The following PGM5 variants were observed in gnomAD, a reference collection of about 807,000 sequenced individuals.
The protein encoded by PGM5 is phosphoglucomutase 5, also known as phosphoglucomutase-like protein 5.
In PGM5, 23 loss-of-function variants were observed where a neutral mutation model predicts 59.2. The observed-to-expected ratio is 0.39, with a 90% CI of 0.28 to 0.55. The LOEUF is 0.55. Ranked by LOEUF, PGM5 falls within the 20% of genes least tolerant of loss-of-function variation. PGM5 has a pLI of 0.66. For synonymous variants in PGM5, 214 were observed against 286.0 expected (o/e 0.75, Z 2.54); for missense variants, 574 against 748.3 (o/e 0.77, Z 2.72).
chr9:68,445,270 A>C (rs895735147), intron 6 of PGM5, among the ~76,000 whole-genome samples: 1 of 152,152 alleles, frequency 6.6e-6, no homozygotes, highest in Admixed American at 6.5e-5. Flanking sequence ...ATTCTGATCC[A>C]TTCTTTCTGA....
At chr9:68,388,898 T>C (rs1407480536) in intron 4 of PGM5, among the ~76,000 whole-genome samples, 1 of 138,558 alleles carries the variant, frequency 7.2e-6, no homozygotes, top group Non-Finnish European at 1.7e-5. Flanking sequence ...AGTGTGGGAC[T>C]CTATCTTTAT....
In PGM5 at chr9:68,511,545, C is replaced by CTTTTTTTTTTTTTT. The variant is rs3064033; in HGVS notation, c.1614+12196_1614+12209dup. Among the ~76,000 whole-genome samples the CTTTTTTTTTTTTTT allele has an allele frequency of 3.2e-5, 2 of 62,736 alleles. 1 individual carries two copies. Among genetic ancestry groups the CTTTTTTTTTTTTTT allele is most frequent in the Non-Finnish European group, 5.7e-5 (2 of 35,152 alleles). 41.2% of individuals were successfully genotyped at this position (62,736 alleles called of 152,430 possible). A position where few individuals can be genotyped will look rare whatever the true frequency, so the allele number is the denominator to read the frequency against. On this transcript the variant is annotated intron_variant, in intron 10 of 10. Transcript: ENST00000396396. ...TTGTCACTAATGTTATTGTTTTTGC[C>CTTTTTTTTTTTTTT]TTTTTTTTTTTTTTTTTTTTTTTTT... is the stretch of plus-strand genomic sequence containing the variant.
chr9:68,443,900 A>G (rs568896799), intron 6 of PGM5, among the ~76,000 whole-genome samples: 1 of 152,346 alleles, frequency 6.6e-6, no homozygotes, highest in South Asian at 2.1e-4. Context: ...ATCAGGGATC[A>G]GGGTCCTGTC....
intron 1 of PGM5, among the ~76,000 whole-genome samples, chr9:68,363,264 T>C (rs1351540607): frequency 2.6e-5 from 4 of 152,308 alleles, no homozygotes; most frequent in Non-Finnish European, 5.9e-5. Context: ...AACTGTTCTG[T>C]AATCTGCATT....
intron 1 of PGM5, among the ~76,000 whole-genome samples, chr9:68,371,029 A>G (rs1327353188): frequency 6.6e-6 from 1 of 151,940 alleles, no homozygotes; most frequent in Non-Finnish European, 1.5e-5. Flanking sequence ...TGGGATCTGT[A>G]TCTGTGTGGA....
chr9:68,442,929 C>T (rs1823551395), intron 6 of PGM5, among the ~76,000 whole-genome samples: 1 of 152,144 alleles, frequency 6.6e-6, no homozygotes, highest in Non-Finnish European at 1.5e-5. Flanking sequence ...TGCATATCAT[C>T]TAGAGCTGTC....
chr9:68,511,545 CT>C (rs3064033), intron 10 of PGM5, among the ~76,000 whole-genome samples: 726 of 62,678 alleles, frequency 0.012, 6 homozygotes, highest in African/African-American at 0.038. Flanking sequence ...TTGTTTTTGC[CT>C]TTTTTTTTTT....
intron 6 of PGM5, among the ~76,000 whole-genome samples, chr9:68,447,480 C>G (rs569133464): frequency 6.6e-6 from 1 of 152,140 alleles, no homozygotes; most frequent in East Asian, 1.9e-4. Context: ...AGCTCTGAGG[C>G]CTTGGACAAG....
chr9:68,489,473 T>C (rs1190590559), intron 9 of PGM5, among the ~76,000 whole-genome samples: 1 of 150,436 alleles, frequency 6.6e-6, no homozygotes, highest in Non-Finnish European at 1.5e-5. Context: ...TCTTTTCTTT[T>C]TTTTTTTTTT....
intron 10 of PGM5, among the ~76,000 whole-genome samples, chr9:68,527,544 T>C (rs1234366320): frequency 6.6e-6 from 1 of 152,214 alleles, no homozygotes; most frequent in African/African-American, 2.4e-5. Context: ...TAGAGATCCC[T>C]CTATCTTGGC....
In PGM5 at chr9:68,462,471, A is replaced by G. The variant is rs149115813; in HGVS notation, c.1044-2622A>G. 1.5e-3 allele frequency among the ~76,000 whole-genome samples: 229 copies of G among 152,226 alleles called. 1 individual carries two copies. The highest frequency in any genetic ancestry group is 5.1e-3 in the African/African-American group (210 of 41,554). On this transcript the variant is annotated intron_variant, in intron 6 of 10. Transcript: ENST00000396396. ...CCAGGATCCTGGAATTTGATTACCCATATTGTTATTTTGGCTTGGATAGCT... is the reference window on the plus strand; with the variant it reads ...CCAGGATCCTGGAATTTGATTACCCGTATTGTTATTTTGGCTTGGATAGCT...
chr9:68,455,180 C>T (rs879969617), intron 6 of PGM5, among the ~76,000 whole-genome samples: 5 of 152,120 alleles, frequency 3.3e-5, no homozygotes, highest in Admixed American at 6.5e-5. Flanking sequence ...CAGAGTTACA[C>T]GATGAAATGA....
chr9:68,488,882 A>C (rs1238921505), intron 9 of PGM5, among the ~76,000 whole-genome samples: 2 of 152,180 alleles, frequency 1.3e-5, no homozygotes, highest in Non-Finnish European at 2.9e-5. Context: ...CTATAGCTAC[A>C]ATGAGAATAG....
chr9:68,480,613 C>T (rs1334670418), intron 8 of PGM5, among the ~76,000 whole-genome samples: 2 of 151,770 alleles, frequency 1.3e-5, no homozygotes, highest in Admixed American at 6.6e-5. Flanking sequence ...GCAGGAGAAT[C>T]GCTTGAACCT....
At chr9:68,376,864 T>TTTCC (rs1563984977) in intron 1 of PGM5, among the ~76,000 whole-genome samples, 3 of 115,220 alleles carry the variant, frequency 2.6e-5, no homozygotes, top group Non-Finnish European at 5.5e-5. Context: ...TTTCTTTCTT[T>TTTCC]TTTCTTTCTC....
At chr9:68,412,909 T>G (rs1554681719) in intron 6 of PGM5, among the ~76,000 whole-genome samples, 1 of 152,188 alleles carries the variant, frequency 6.6e-6, no homozygotes, top group Admixed American at 6.5e-5. Flanking sequence ...TTGTGTGGCT[T>G]GAAGAGGTTG....
intron 1 of PGM5, among the ~76,000 whole-genome samples, chr9:68,370,486 C>T (rs1821664770): frequency 6.6e-6 from 1 of 151,998 alleles, no homozygotes; most frequent in African/African-American, 2.4e-5. Flanking sequence ...TTAATTTGAG[C>T]TAATTAGAAA....
At chr9:68,497,079 T>C (rs1378899007) in intron 9 of PGM5, 1 of 152,200 alleles carries the variant, frequency 6.6e-6, no homozygotes, top group Non-Finnish European at 1.5e-5. Context: ...TGTGAGACTT[T>C]TGGGGATTTA....
chr9:68,361,852 A>T (rs1415745442), intron 1 of PGM5, among the ~76,000 whole-genome samples: 1 of 152,002 alleles, frequency 6.6e-6, no homozygotes, highest in Non-Finnish European at 1.5e-5. Context: ...AGACTATTTC[A>T]TAGGCAATAA....
Sources: gnomAD v4.1 joint callset for allele counts (sites outside exome capture counted in the v4.1 genomes callset) on GRCh38, gnomAD v4.1.1 for gene constraint, MANE v1.5 for transcripts, NCBI Gene and HGNC (gene_info 2026-07-23, HGNC 2026-07-21) for gene names.